EFCAB6: variants seen among roughly 807,000 people sequenced by gnomAD.
EFCAB6 encodes EF-hand calcium binding domain 6.
A neutral mutation model predicts 169.8 loss-of-function variants in EFCAB6; 156 were observed. The observed-to-expected ratio is 0.92, with a 90% CI of 0.81 to 1.05. The LOEUF is 1.05. Ranked by LOEUF, EFCAB6 falls within the 50% of genes least tolerant of loss-of-function variation. The pLI, the probability that EFCAB6 is intolerant of heterozygous loss-of-function variation, is 0.00. For synonymous variants in EFCAB6, 698 were observed against 676.4 expected, an observed-to-expected ratio of 1.03 and a Z score of -0.50; for missense variants, 1,800 against 1,829.1, an observed-to-expected ratio of 0.98 and a Z score of 0.29.
At chr22:43,625,975 A>G (rs1427230113) in intron 20 of EFCAB6, among the ~76,000 whole-genome samples, 8 of 152,278 alleles carry the variant, frequency 5.3e-5, no homozygotes, top group Non-Finnish European at 7.3e-5. Flanking sequence ...CCAAGCTTCA[A>G]TTTTAAAAGA....
Position 43,716,898 on chromosome 22 carries a change from T to A in EFCAB6, c.832A>T (p.Ile278Phe). ...RLLGSASSED[I>F]WRNYSLDEIE... ...TCATCCAAGGAGTAGTTTCTCCAGA[T>A]ATCTTCAGATGATGCAGAACCTAGC... Residue 278 changes from isoleucine (I) to phenylalanine (F), a missense_variant, in exon 9 of 32, where the codon ATC (isoleucine) becomes TTC (phenylalanine). By Grantham distance (21) the Ile-to-Phe change is conservative. Transcript: ENST00000262726. 1.9e-6 allele frequency: 3 copies of A among 1,604,190 alleles called. No individual in the cohort carries two copies. Among genetic ancestry groups the A allele is most frequent in the Non-Finnish European group, 2.6e-6 (3 of 1,175,778 alleles).
At chr22:43,659,251 A>G (rs1422962680) in intron 17 of EFCAB6, among the ~76,000 whole-genome samples, 3 of 152,208 alleles carry the variant, frequency 2.0e-5, no homozygotes, top group South Asian at 2.1e-4. Context: ...CTGATGTGAT[A>G]CATAACAAAG....
At chr22:43,596,857 A>G (rs188078777) in intron 23 of EFCAB6, among the ~76,000 whole-genome samples, 1 of 152,338 alleles carries the variant, frequency 6.6e-6, no homozygotes, top group Non-Finnish European at 1.5e-5. Flanking sequence ...ATTACACTAC[A>G]AAGTTATATT....
chr22:43,571,809 C>T (rs947949360), intron 26 of EFCAB6, among the ~76,000 whole-genome samples: 1 of 152,170 alleles, frequency 6.6e-6, no homozygotes, highest in Non-Finnish European at 1.5e-5. Flanking sequence ...TTGCGGTCAC[C>T]CCTTGCTCCA....
At chr22:43,554,315 A>G (rs2147066686) in intron 27 of EFCAB6, 1 of 154,176 alleles carries the variant, frequency 6.5e-6, no homozygotes, top group Non-Finnish European at 1.4e-5. Context: ...GCTCACTGCA[A>G]CCTTGGTGTT....
chr22:43,619,546 A>C (rs76768370), intron 20 of EFCAB6, among the ~76,000 whole-genome samples: 7,172 of 152,280 alleles, frequency 0.047, 593 homozygotes, highest in African/African-American at 0.16. Flanking sequence ...ATTCATGAAG[A>C]GCAAACATAC....
At chr22:43,618,160 AG>A (rs2053836850) in intron 20 of EFCAB6, among the ~76,000 whole-genome samples, 1 of 112,756 alleles carries the variant, frequency 8.9e-6, no homozygotes, top group African/African-American at 3.3e-5. Context: ...GAAGGAAGGA[AG>A]GAAGGAAAGA....
At chr22:43,681,950 A>G (rs1019659806) in intron 12 of EFCAB6, among the ~76,000 whole-genome samples, 1 of 152,200 alleles carries the variant, frequency 6.6e-6, no homozygotes, top group Admixed American at 6.5e-5. Flanking sequence ...GGCAGCACAT[A>G]TAGCAAATGG....
intron 3 of EFCAB6, among the ~76,000 whole-genome samples, chr22:43,776,911 T>A (rs2061658806): frequency 6.6e-6 from 1 of 152,150 alleles, no homozygotes; most frequent in Non-Finnish European, 1.5e-5. Flanking sequence ...TTCTGGCTGC[T>A]ATGTAAAGAA....
intron 2 of EFCAB6, among the ~76,000 whole-genome samples, chr22:43,784,670 CATAT>C (rs201662478): frequency 0.012 from 671 of 55,534 alleles, 25 homozygotes; most frequent in East Asian, 0.023. Context: ...TATACATATA[CATAT>C]ATACACACAC....
intron 15 of EFCAB6, 33 bp downstream of exon 15, chr22:43,671,940 C>T (rs775908160): frequency 4.6e-5 from 74 of 1,607,218 alleles, no homozygotes; most frequent in Admixed American, 5.1e-5. Context: ...ATGAAAAACA[C>T]GACATGAATT....
At chr22:43,557,210 T>C (rs1254917688) in intron 26 of EFCAB6, among the ~76,000 whole-genome samples, 1 of 152,220 alleles carries the variant, frequency 6.6e-6, no homozygotes, top group East Asian at 1.9e-4. Flanking sequence ...TGCCTTGGTT[T>C]CCTCATCTAC....
intron 24 of EFCAB6, among the ~76,000 whole-genome samples, chr22:43,587,233 G>A (rs971097618): frequency 2.0e-5 from 3 of 152,144 alleles, no homozygotes; most frequent in Non-Finnish European, 4.4e-5. Flanking sequence ...TATATTCTCC[G>A]GAGATGTTGT....
chr22:43,748,983 G>C (rs1371082938), intron 6 of EFCAB6, among the ~76,000 whole-genome samples: 2 of 152,178 alleles, frequency 1.3e-5, no homozygotes. Context: ...AGGGGCAAGA[G>C]AGGCAACGGG....
Position 43,528,944 on chromosome 22 carries a change from T to C in EFCAB6, c.4415A>G (p.Glu1472Gly), listed in dbSNP as rs367792628. Residue 1472 changes from glutamate to glycine, a missense_variant, in exon 32 of 32, where the codon GAG becomes GGG. Transcript: ENST00000262726. Reference protein sequence around the residue: ...VLRQYSINLSEEEFFHILEYY... With the variant: ...VLRQYSINLSGEEFFHILEYY... ...CTCCAGAATATGGAAGAACTCTTCC[T>C]CAGAGAGGTTGATGCTGTACTGTCT... is the stretch of plus-strand genomic sequence containing the variant. 1.5e-5 allele frequency: 24 copies of C among 1,606,532 alleles called. No homozygotes were observed. The African/African-American group carries it at 2.9e-4, about 20-fold the overall frequency.
intron 12 of EFCAB6, among the ~76,000 whole-genome samples, chr22:43,682,097 C>T (rs2058028189): frequency 6.6e-6 from 1 of 152,168 alleles, no homozygotes. Flanking sequence ...TCCTGGCTCC[C>T]ACCCTTATTC....
At chr22:43,629,671 C>T (rs993915498) in intron 19 of EFCAB6, among the ~76,000 whole-genome samples, 2 of 152,138 alleles carry the variant, frequency 1.3e-5, no homozygotes, top group South Asian at 4.1e-4. Flanking sequence ...CAGTGGCAAC[C>T]TCTCAGCTGA....
At chr22:43,759,761 AACT>A (rs1318738949) in intron 5 of EFCAB6, 1 of 152,240 alleles carries the variant, frequency 6.6e-6, no homozygotes, top group Admixed American at 6.5e-5. Flanking sequence ...CAACTTAACC[AACT>A]ACTATCGGAT....
intron 3 of EFCAB6, among the ~76,000 whole-genome samples, chr22:43,775,555 G>A (rs937486305): frequency 1.2e-4 from 19 of 152,180 alleles, no homozygotes; most frequent in Non-Finnish European, 2.2e-4. Flanking sequence ...CAATTCTCCT[G>A]CCTCAGCCTC....
Sources: gnomAD v4.1 joint callset for allele counts (sites outside exome capture counted in the v4.1 genomes callset) on GRCh38, gnomAD v4.1.1 for gene constraint, MANE v1.5 for transcripts, NCBI Gene and HGNC (gene_info 2026-07-23, HGNC 2026-07-21) for gene names.